Variants in CLIC6 observed in about 807,000 individuals in gnomAD.
CLIC6 encodes the protein CLIC family member 6.
CLIC6 carries 39 observed loss-of-function variants against 49.2 expected under a neutral mutation model. That is an observed-to-expected ratio of 0.79 (90% CI 0.61 to 1.04). CLIC6 has a LOEUF of 1.04. Among genes scored for constraint, CLIC6 ranks in the 50% least tolerant of loss-of-function variants. The probability of loss-of-function intolerance (pLI) is 0.00; values close to 1 mark genes in which losing one functional copy is unlikely to be tolerated. For missense variants in CLIC6, 988 were observed against 993.1 expected, an observed-to-expected ratio of 0.99 and a Z score of 0.07; for synonymous variants, 446 against 433.4, an observed-to-expected ratio of 1.03 and a Z score of -0.36.
At chr21:34,671,246 A>G (rs1011695191) in intron 1 of CLIC6, among the ~76,000 whole-genome samples, 7 of 152,098 alleles carry the variant, frequency 4.6e-5, no homozygotes, top group African/African-American at 1.7e-4. Context: ...GGTAGGTTCA[A>G]TGTGGGAGGT....
At chr21:34,711,734 C>G (rs1339069916) in intron 5 of CLIC6, among the ~76,000 whole-genome samples, 1 of 152,030 alleles carries the variant, frequency 6.6e-6, no homozygotes, top group African/African-American at 2.4e-5. Context: ...TTCTCCCTTC[C>G]TTTTTGTGCG....
At chr21:34,673,362 T>C (rs551185409) in intron 1 of CLIC6, among the ~76,000 whole-genome samples, 1 of 152,276 alleles carries the variant, frequency 6.6e-6, no homozygotes, top group South Asian at 2.1e-4. Flanking sequence ...CTATCTCAGC[T>C]CACTGCAACC....
chr21:34,712,133 A>G (rs2056061007), intron 5 of CLIC6, among the ~76,000 whole-genome samples: 1 of 152,194 alleles, frequency 6.6e-6, no homozygotes, highest in Admixed American at 6.5e-5. Flanking sequence ...GCTCCACTAT[A>G]AGACCCAGAA....
chr21:34,675,680 G>A lies in CLIC6; in HGVS notation c.1374+4918G>A, dbSNP rs565104645. On this transcript the variant is annotated intron_variant, in intron 1 of 5. Transcript: ENST00000349499. ...GGTGCAGGTGTGCACATGCATGCTG[G>A]GGGTGGGGATACCCCTGCCACACTC... Among the ~76,000 whole-genome samples, 6 of 152,236 alleles carry A rather than the reference G, an allele frequency of 3.9e-5. No homozygotes were observed. In the South Asian group the frequency reaches 1.0e-3, roughly 26 times the overall value.
intron 1 of CLIC6, 74 bp from the exon 2 acceptor site, chr21:34,707,206 C>T (rs142079484): frequency 1.8e-6 from 2 of 1,086,774 alleles, no homozygotes; most frequent in East Asian, 2.4e-5. Flanking sequence ...AATGATTTTG[C>T]ATGTGCATGT....
chr21:34,685,039 G>A (rs533993964), intron 1 of CLIC6, among the ~76,000 whole-genome samples: 14 of 152,300 alleles, frequency 9.2e-5, no homozygotes, highest in African/African-American at 3.4e-4. Context: ...CCACTGGAGA[G>A]GGTACCTGGC....
intron 1 of CLIC6, among the ~76,000 whole-genome samples, chr21:34,672,723 A>G (rs550425605): frequency 6.6e-6 from 1 of 152,340 alleles, no homozygotes; most frequent in Admixed American, 6.5e-5. Flanking sequence ...CTTTAGAGCC[A>G]GTGGGTCTGG....
Position 34,717,997 on chromosome 21 carries a change from T to G in CLIC6, c.*1515T>G, listed in dbSNP as rs1413815733. 6.6e-6 allele frequency: 1 copy of G among 152,584 alleles called. No individual in the cohort carries two copies. The highest frequency in any genetic ancestry group is 2.4e-5 in the African/African-American group (1 of 41,442). The allele number at this position is 152,584 out of a possible 1,614,324, so 9.5% of individuals were successfully genotyped here. ...GTCAGCTGTCTTTGTCAACCATACGTTTTTGGAGATTGGGTCTAGCACATG... is the reference window on the plus strand; with the variant it reads ...GTCAGCTGTCTTTGTCAACCATACGGTTTTGGAGATTGGGTCTAGCACATG... On this transcript the variant is annotated 3_prime_UTR_variant, in exon 6 of 6. Transcript: ENST00000349499.
intron 1 of CLIC6, among the ~76,000 whole-genome samples, chr21:34,684,907 C>T (rs550948931): frequency 6.6e-6 from 1 of 152,316 alleles, no homozygotes; most frequent in South Asian, 2.1e-4. Flanking sequence ...GATGAAGTGG[C>T]TGTCAGTTTC....
intron 1 of CLIC6, among the ~76,000 whole-genome samples, chr21:34,691,593 T>C (rs1989996185): frequency 6.6e-6 from 1 of 151,588 alleles, no homozygotes; most frequent in Admixed American, 6.6e-5. Flanking sequence ...AGCAGGTTGA[T>C]ACAGATGAGG....
At chr21:34,714,716 T>C (rs889078469) in intron 5 of CLIC6, among the ~76,000 whole-genome samples, 5 of 149,810 alleles carry the variant, frequency 3.3e-5, no homozygotes, top group Non-Finnish European at 7.4e-5. Context: ...AAAAACTTGA[T>C]AAATCAAGAA....
intron 1 of CLIC6, among the ~76,000 whole-genome samples, chr21:34,678,066 G>A (rs1165630456): frequency 6.6e-6 from 1 of 152,072 alleles, no homozygotes; most frequent in Non-Finnish European, 1.5e-5. Flanking sequence ...ACTTTCAACA[G>A]CAGAGTTGAG....
chr21:34,691,932 A>G (rs772586085), intron 1 of CLIC6, among the ~76,000 whole-genome samples: 4 of 152,224 alleles, frequency 2.6e-5, no homozygotes, highest in Non-Finnish European at 5.9e-5. Context: ...TAATTTAGCA[A>G]TCCAAATCTT....
intron 1 of CLIC6, among the ~76,000 whole-genome samples, chr21:34,688,372 A>G (rs970492714): frequency 6.6e-6 from 1 of 152,178 alleles, no homozygotes; most frequent in Admixed American, 6.5e-5. Flanking sequence ...ACTAGAGCGC[A>G]GGCGAGGGAA....
intron 1 of CLIC6, among the ~76,000 whole-genome samples, chr21:34,675,026 A>T (rs1194303059): frequency 6.6e-6 from 1 of 152,098 alleles, no homozygotes; most frequent in Non-Finnish European, 1.5e-5. Flanking sequence ...GACATGACTT[A>T]AAAAACTTCA....
intron 1 of CLIC6, among the ~76,000 whole-genome samples, chr21:34,704,876 TA>T (rs2056003999): frequency 6.6e-6 from 1 of 152,090 alleles, no homozygotes; most frequent in Non-Finnish European, 1.5e-5. Flanking sequence ...GCAATATAAT[TA>T]TTCTGCAGAT....
intron 1 of CLIC6, among the ~76,000 whole-genome samples, chr21:34,698,643 A>C (rs1990133434): frequency 6.6e-6 from 1 of 152,198 alleles, no homozygotes; most frequent in East Asian, 1.9e-4. Flanking sequence ...ATCTCATTTA[A>C]TTCTTATCCA....
In CLIC6 at chr21:34,707,366, T is replaced by C; in HGVS notation, c.1461T>C (p.Asn487=). Residue 487 remains asparagine (N), a synonymous_variant, in exon 2 of 6, where the codon AAT becomes AAC. Coordinates refer to ENST00000349499, the MANE Select transcript of CLIC6 (RefSeq NM_053277.3). Reference sequence around the variant, plus strand: ...TCTGGCTGAAAGGCGTTATATTTAATGTGACCACAGTGGACCTGAAAAGGT... The same window carrying C: ...TCTGGCTGAAAGGCGTTATATTTAACGTGACCACAGTGGACCTGAAAAGGT... The part of the protein sequence containing the change: ...MILWLKGVIF[N]VTTVDLKRKP... The C allele has an allele frequency of 3.1e-6, 5 of 1,613,534 alleles. No individual in the cohort carries two copies. Among genetic ancestry groups the C allele is most frequent in the East Asian group, 2.2e-5 (1 of 44,858 alleles).
chr21:34,695,077 G>C (rs937402940), intron 1 of CLIC6, among the ~76,000 whole-genome samples: 1 of 152,182 alleles, frequency 6.6e-6, no homozygotes, highest in African/African-American at 2.4e-5. Context: ...TCACAGTTCT[G>C]TTGATCAGAA....
Sources: gnomAD v4.1 joint callset for allele counts (sites outside exome capture counted in the v4.1 genomes callset) on GRCh38, gnomAD v4.1.1 for gene constraint, MANE v1.5 for transcripts, NCBI Gene and HGNC (gene_info 2026-07-23, HGNC 2026-07-21) for gene names.